The following TMA7B variants were observed in gnomAD, a reference collection of about 807,000 sequenced individuals.
The protein encoded by TMA7B is translation machinery-associated protein 7B.
At chr22:39,963,707 C>G in the TMA7B span, among the ~76,000 whole-genome samples, 2 of 152,154 alleles carry the variant, frequency 1.3e-5, no homozygotes, top group African/African-American at 4.8e-5. Flanking sequence ...TAACACAGGT[C>G]CCTAAATCCA....
the TMA7B span, chr22:39,964,322 C>T: frequency 1.4e-6 from 1 of 693,042 alleles, no homozygotes; most frequent in Non-Finnish European, 2.6e-6. Context: ...AGGTGCTGAT[C>T]TAAAAGAAGT....
At chr22:39,964,863 T>A in the TMA7B span, 9 of 280,318 alleles carry the variant, frequency 3.2e-5, no homozygotes, top group South Asian at 2.0e-4. Flanking sequence ...TACCCTAAAC[T>A]TTGTATCACC....
the TMA7B span, chr22:39,964,072 A>T: frequency 3.3e-6 from 1 of 298,710 alleles, no homozygotes; most frequent in East Asian, 7.5e-5. Context: ...ACCCTTTAAA[A>T]TTCTTGACCT....
chr22:39,962,874 G>A, the TMA7B span, among the ~76,000 whole-genome samples: 2 of 152,066 alleles, frequency 1.3e-5, no homozygotes, highest in African/African-American at 4.8e-5. Context: ...TCGTCATGTT[G>A]GCCAGGCTGG....
chr22:39,964,360 G>C, the TMA7B span: 1 of 716,648 alleles, frequency 1.4e-6, no homozygotes, highest in Non-Finnish European at 2.5e-6. Context: ...GTCTGGGGAA[G>C]GGGCGGCAGG....
At chr22:39,962,807 CA>C in the TMA7B span, among the ~76,000 whole-genome samples, 1 of 152,052 alleles carries the variant, frequency 6.6e-6, no homozygotes, top group African/African-American at 2.4e-5. Flanking sequence ...CATGGGTTCG[CA>C]CCACCACGCC....
At chr22:39,964,211 T>C in the TMA7B span, 1 of 546,368 alleles carries the variant, frequency 1.8e-6, no homozygotes, top group Non-Finnish European at 3.2e-6. Flanking sequence ...CTGGATCTAA[T>C]GGTAAAGGCT....
At chr22:39,963,357 A>C in the TMA7B span, among the ~76,000 whole-genome samples, 1 of 151,964 alleles carries the variant, frequency 6.6e-6, no homozygotes, top group Non-Finnish European at 1.5e-5. Flanking sequence ...CAACCCTCAC[A>C]CCCATCCTTA....
chr22:39,964,079 A>C, the TMA7B span: 3 of 312,380 alleles, frequency 9.6e-6, no homozygotes, highest in Non-Finnish European at 1.8e-5. Context: ...AAAATTCTTG[A>C]CCTTTCTTTT....
the TMA7B span, among the ~76,000 whole-genome samples, chr22:39,961,155 T>A: frequency 6.6e-6 from 1 of 152,122 alleles, no homozygotes; most frequent in Non-Finnish European, 1.5e-5. Flanking sequence ...GGTCTTACTG[T>A]GTTGCCTGGG....
At chr22:39,960,819 G>T in the TMA7B span, 1 of 152,284 alleles carries the variant, frequency 6.6e-6, no homozygotes, top group Non-Finnish European at 1.5e-5. Context: ...CCAAGACCCA[G>T]GGAAAGCCGT....
chr22:39,961,370 T>C, the TMA7B span, among the ~76,000 whole-genome samples: 2 of 152,244 alleles, frequency 1.3e-5, no homozygotes, highest in East Asian at 3.9e-4. Context: ...AACCTTCCCA[T>C]CTCCTTTGGT....
the TMA7B span, among the ~76,000 whole-genome samples, chr22:39,963,249 G>C: frequency 2.6e-5 from 4 of 152,124 alleles, no homozygotes; most frequent in South Asian, 8.3e-4. Flanking sequence ...CCAGATTTTG[G>C]AGTCCAGCGC....
the TMA7B span, chr22:39,964,504 A>G: frequency 9.7e-7 from 1 of 1,029,380 alleles, no homozygotes; most frequent in Non-Finnish European, 1.5e-6. Flanking sequence ...CGAGGTGCTA[A>G]AAGCGAAGGT....
the TMA7B span, chr22:39,960,512 T>G: frequency 8.6e-6 from 2 of 231,488 alleles, no homozygotes; most frequent in Non-Finnish European, 1.7e-5. Context: ...CAGTGAGTAT[T>G]TGTGGAAGGA....
the TMA7B span, among the ~76,000 whole-genome samples, chr22:39,963,714 T>A: frequency 6.6e-6 from 1 of 152,112 alleles, no homozygotes; most frequent in Non-Finnish European, 1.5e-5. Context: ...GGTCCCTAAA[T>A]CCATCCCTAA....
At chr22:39,964,473 A>G in the TMA7B span, 1 of 1,025,874 alleles carries the variant, frequency 9.7e-7, no homozygotes, top group Non-Finnish European at 1.5e-6. Flanking sequence ...AGCAGAAACA[A>G]AAAGAGGAGC....
chr22:39,963,344 C>G, the TMA7B span, among the ~76,000 whole-genome samples: 4 of 152,280 alleles, frequency 2.6e-5, no homozygotes, highest in South Asian at 8.3e-4. Context: ...AGATAACCAG[C>G]TGCAACCCTC....
At chr22:39,964,231 C>T in the TMA7B span, 2 of 586,308 alleles carry the variant, frequency 3.4e-6, no homozygotes, top group Non-Finnish European at 6.0e-6. Flanking sequence ...TCAGCCCACC[C>T]TTCCTAGATG....
Sources: gnomAD v4.1 joint callset for allele counts (sites outside exome capture counted in the v4.1 genomes callset) on GRCh38, gnomAD v4.1.1 for gene constraint, MANE v1.5 for transcripts, NCBI Gene and HGNC (gene_info 2026-07-23, HGNC 2026-07-21) for gene names.